The following KHDRBS2 variants were observed in gnomAD, a reference collection of about 807,000 sequenced individuals.
The protein encoded by KHDRBS2 is KH domain-containing, RNA-binding, signal transduction-associated protein 2.
KHDRBS2 carries 26 observed loss-of-function variants against 44.3 expected under a neutral mutation model. That is an observed-to-expected ratio of 0.59 (90% CI 0.43 to 0.81). The LOEUF (loss-of-function observed/expected upper bound fraction) is 0.81. KHDRBS2 is among the 40% of genes least tolerant of loss of function. The pLI, the probability that KHDRBS2 is intolerant of heterozygous loss-of-function variation, is 0.00. For missense variants in KHDRBS2, 476 were observed against 433.1 expected, an observed-to-expected ratio of 1.10 and a Z score of -0.88; for synonymous variants, 194 against 151.1, an observed-to-expected ratio of 1.28 and a Z score of -2.08.
the KHDRBS2 span, among the ~76,000 whole-genome samples, chr6:61,594,970 A>G: frequency 1.3e-5 from 2 of 152,128 alleles, no homozygotes; most frequent in African/African-American, 4.8e-5. Flanking sequence ...CTTCACCAAG[A>G]GAAGAGACTC....
At chr6:61,638,911 G>C in the KHDRBS2 span, among the ~76,000 whole-genome samples, 3 of 152,002 alleles carry the variant, frequency 2.0e-5, no homozygotes, top group Non-Finnish European at 4.4e-5. Context: ...GTCTTAATGT[G>C]CTACAAACAA....
At chr6:62,174,003 C>G (rs190849499) in intron 2 of KHDRBS2, among the ~76,000 whole-genome samples, 8 of 151,266 alleles carry the variant, frequency 5.3e-5, no homozygotes, top group East Asian at 3.9e-4. Flanking sequence ...CCAGAACAGA[C>G]AGTGACACCC....
chr6:62,002,442 C>A (rs371945348), intron 3 of KHDRBS2, among the ~76,000 whole-genome samples: 4 of 151,498 alleles, frequency 2.6e-5, no homozygotes, highest in Non-Finnish European at 5.9e-5. Flanking sequence ...TCATAAATGT[C>A]TTTTCTATCA....
At chr6:61,780,913 T>G (rs1282486911) in intron 6 of KHDRBS2, among the ~76,000 whole-genome samples, 1 of 152,204 alleles carries the variant, frequency 6.6e-6, no homozygotes, top group African/African-American at 2.4e-5. Context: ...AGCATCTTTA[T>G]GCATATGAGG....
intron 4 of KHDRBS2, among the ~76,000 whole-genome samples, chr6:61,972,542 A>T (rs1370441211): frequency 1.3e-5 from 2 of 152,148 alleles, no homozygotes; most frequent in South Asian, 2.1e-4. Context: ...AAGAAAAGGG[A>T]ATTAATTGGT....
At chr6:61,724,583 C>T (rs1488967511) in intron 7 of KHDRBS2, among the ~76,000 whole-genome samples, 1 of 152,086 alleles carries the variant, frequency 6.6e-6, no homozygotes, top group African/African-American at 2.4e-5. Context: ...TGTGCAAAGA[C>T]ACACATAGGC....
At chr6:61,878,255 T>A (rs1799722905) in intron 6 of KHDRBS2, among the ~76,000 whole-genome samples, 1 of 151,992 alleles carries the variant, frequency 6.6e-6, no homozygotes, top group African/African-American at 2.4e-5. Flanking sequence ...TCAGAAACAT[T>A]GAACAACCCT....
rs1341774422 is a variant in KHDRBS2 at position 61,945,111 on chromosome 6, AAGTATATAT to A, written c.483+32946_483+32954del. On this transcript the variant is annotated intron_variant, in intron 4 of 8. Transcript: ENST00000281156. The stretch of plus-strand genomic sequence containing the variant: ...GTCTTAAAAAAAAAAAAAAAAAAAA[AAGTATATAT>A]ATATATATATATATATATATATATA... 9.5e-4 allele frequency among the ~76,000 whole-genome samples: 36 copies of A among 37,774 alleles called. 5 individuals are homozygous for A. In the South Asian group the frequency reaches 0.044, roughly 46 times the overall value. The allele number at this position is 37,774 out of a possible 152,430, so 24.8% of individuals were successfully genotyped here.
At chr6:61,938,380 G>A (rs1811445396) in intron 4 of KHDRBS2, among the ~76,000 whole-genome samples, 1 of 152,078 alleles carries the variant, frequency 6.6e-6, no homozygotes, top group Non-Finnish European at 1.5e-5. Context: ...AAAGAAACAG[G>A]ATATGCTATA....
At chr6:62,267,768 A>G (rs1392565354) in intron 1 of KHDRBS2, among the ~76,000 whole-genome samples, 2 of 152,028 alleles carry the variant, frequency 1.3e-5, no homozygotes, top group East Asian at 1.9e-4. Flanking sequence ...AAATTTGATA[A>G]AAGTATAAAA....
At chr6:61,895,079 A>G (rs1246589740) in intron 5 of KHDRBS2, among the ~76,000 whole-genome samples, 1 of 151,650 alleles carries the variant, frequency 6.6e-6, no homozygotes, top group African/African-American at 2.4e-5. Context: ...ACCATGTAAA[A>G]TACTTTGTTA....
At chr6:62,249,076 T>C (rs541663299) in intron 1 of KHDRBS2, among the ~76,000 whole-genome samples, 3 of 152,260 alleles carry the variant, frequency 2.0e-5, no homozygotes, top group Admixed American at 2.0e-4. Flanking sequence ...TACAACTCAG[T>C]GCTGAAGAAT....
intron 1 of KHDRBS2, among the ~76,000 whole-genome samples, chr6:62,187,160 T>A (rs1482085794): frequency 6.6e-6 from 1 of 152,166 alleles, no homozygotes; most frequent in African/African-American, 2.4e-5. Flanking sequence ...AAGTGATTTG[T>A]ATGCATTATA....
At chr6:61,932,588 C>T (rs1327090019) in intron 4 of KHDRBS2, among the ~76,000 whole-genome samples, 1 of 152,100 alleles carries the variant, frequency 6.6e-6, no homozygotes, top group East Asian at 1.9e-4. Context: ...ATCACGAGGT[C>T]AGGAGATCCA....
In KHDRBS2 at chr6:62,174,246, G is replaced by A. The variant is rs139993775; in HGVS notation, c.219+2939C>T. Among the ~76,000 whole-genome samples the A allele has an allele frequency of 2.0e-4, 30 of 151,732 alleles. No individual in the cohort carries two copies. In the East Asian group the frequency reaches 5.4e-3, roughly 27 times the overall value. On this transcript the variant is annotated intron_variant, in intron 2 of 8. Transcript: ENST00000281156. ...CAAAATCAATGTACAAAAATCAGTA[G>A]TAGCATTTCTATACACCAACATCAA...
chr6:61,925,164 G>T (rs1292206259), intron 4 of KHDRBS2, among the ~76,000 whole-genome samples: 2 of 152,050 alleles, frequency 1.3e-5, no homozygotes, highest in Non-Finnish European at 2.9e-5. Flanking sequence ...TCCAACAAAA[G>T]GTAGAAGAGT....
At chr6:61,671,756 T>C in the KHDRBS2 span, among the ~76,000 whole-genome samples, 1 of 151,782 alleles carries the variant, frequency 6.6e-6, no homozygotes, top group Admixed American at 6.6e-5. Flanking sequence ...CACTGAATGG[T>C]ATCTTCACTT....
At chr6:61,918,336 C>T (rs754873114) in intron 4 of KHDRBS2, among the ~76,000 whole-genome samples, 3 of 151,884 alleles carry the variant, frequency 2.0e-5, no homozygotes, top group Non-Finnish European at 2.9e-5. Flanking sequence ...AGGGACTATG[C>T]TATTGGCTGA....
At chr6:61,625,120 G>A in the KHDRBS2 span, among the ~76,000 whole-genome samples, 1 of 151,890 alleles carries the variant, frequency 6.6e-6, no homozygotes, top group Non-Finnish European at 1.5e-5. Context: ...GGATTCTCTT[G>A]TTCAATTTTA....
Sources: gnomAD v4.1 joint callset for allele counts (sites outside exome capture counted in the v4.1 genomes callset) on GRCh38, gnomAD v4.1.1 for gene constraint, MANE v1.5 for transcripts, NCBI Gene and HGNC (gene_info 2026-07-23, HGNC 2026-07-21) for gene names.